MRPL1: variants seen among roughly 807,000 people sequenced by gnomAD.
MRPL1 encodes the protein large ribosomal subunit protein uL1m.
A neutral mutation model predicts 38.0 loss-of-function variants in MRPL1; 28 were observed. The ratio of observed to expected loss-of-function variants is 0.74; its 90% CI spans 0.55 to 1.01. The LOEUF (loss-of-function observed/expected upper bound fraction) is 1.01, where lower values mean the gene tolerates loss of function less well. MRPL1 is among the 50% of genes least tolerant of loss of function. MRPL1 has a pLI of 0.00. For synonymous variants in MRPL1, 123 were observed against 126.7 expected (o/e 0.97, Z 0.20); for missense variants, 358 against 389.8 (o/e 0.92, Z 0.69).
chr4:77,892,889 T>C (rs1366838816), intron 5 of MRPL1, among the ~76,000 whole-genome samples: 2 of 152,228 alleles, frequency 1.3e-5, no homozygotes, highest in Admixed American at 1.3e-4. Context: ...AGGTTTGTTA[T>C]GAAGACTGGA....
intron 3 of MRPL1, 61 bp downstream of exon 3, chr4:77,883,561 C>A (rs981913933): frequency 7.0e-7 from 1 of 1,420,532 alleles, no homozygotes; most frequent in Admixed American, 2.4e-5. Context: ...ATTGGTGTTT[C>A]TTTATTTTAT....
chr4:77,933,019 A>G lies in MRPL1; in HGVS notation c.778-16778A>G, dbSNP rs1175587204. On this transcript the variant is annotated intron_variant, in intron 7 of 8. Coordinates refer to ENST00000315567, the MANE Select transcript of MRPL1 (RefSeq NM_020236.4). The stretch of plus-strand genomic sequence containing the variant: ...AAGGTTGGAGTGCAGTGATGTAAGC[A>G]TAGCTCACTGTAACTTCAAACTTGG... Among the ~76,000 whole-genome samples, 6 of 152,248 alleles carry G rather than the reference A, an allele frequency of 3.9e-5. No homozygotes were observed. The East Asian group carries it at 7.7e-4, about 20-fold the overall frequency.
intron 7 of MRPL1, 113 bp from the exon 8 acceptor site, chr4:77,949,684 A>AGGGTC: frequency 3.2e-6 from 2 of 620,990 alleles, no homozygotes; most frequent in East Asian, 6.1e-5. Flanking sequence ...CTTTCACAGT[A>AGGGTC]GGGTCATTTA....
chr4:77,872,127 C>A (rs1174503009), intron 2 of MRPL1, among the ~76,000 whole-genome samples: 1 of 152,092 alleles, frequency 6.6e-6, no homozygotes, highest in African/African-American at 2.4e-5. Context: ...AAAATCGAGG[C>A]ACTGGTAGGT....
At chr4:77,877,209 G>A (rs892306130) in intron 2 of MRPL1, among the ~76,000 whole-genome samples, 1 of 152,116 alleles carries the variant, frequency 6.6e-6, no homozygotes, top group Admixed American at 6.6e-5. Context: ...CTGACAATGG[G>A]TTTTTTTCTT....
At chr4:77,947,708 CAT>C (rs1277056432) in intron 7 of MRPL1, among the ~76,000 whole-genome samples, 1 of 152,184 alleles carries the variant, frequency 6.6e-6, no homozygotes, top group Non-Finnish European at 1.5e-5. Context: ...AACTCATGCA[CAT>C]ATACATTTTG....
chr4:77,893,222 T>C (rs1160612193), intron 5 of MRPL1, among the ~76,000 whole-genome samples: 2 of 152,188 alleles, frequency 1.3e-5, no homozygotes, highest in Non-Finnish European at 2.9e-5. Context: ...CTTCAAGCAA[T>C]CCTCCCACCT....
chr4:77,906,539 A>G (rs2110246799), intron 6 of MRPL1, among the ~76,000 whole-genome samples: 1 of 152,288 alleles, frequency 6.6e-6, no homozygotes, highest in Middle Eastern at 3.4e-3. Context: ...AGGGAGGAGC[A>G]GCGTCCTTTT....
At chr4:77,866,944 C>T (rs1735161281) in intron 1 of MRPL1, among the ~76,000 whole-genome samples, 1 of 152,016 alleles carries the variant, frequency 6.6e-6, no homozygotes, top group Non-Finnish European at 1.5e-5. Context: ...GATGGGGTTT[C>T]AACATGTTGG....
intron 1 of MRPL1, among the ~76,000 whole-genome samples, chr4:77,863,801 GA>G (rs1735060375): frequency 6.6e-6 from 1 of 151,994 alleles, no homozygotes; most frequent in Non-Finnish European, 1.5e-5. Flanking sequence ...TTGTGTTTTT[GA>G]AGTCCAGTGA....
chr4:77,903,914 G>T (rs1217474865), intron 6 of MRPL1, among the ~76,000 whole-genome samples: 1 of 152,034 alleles, frequency 6.6e-6, no homozygotes, highest in Non-Finnish European at 1.5e-5. Flanking sequence ...ATATTCTCAT[G>T]TTTAAATGGA....
intron 6 of MRPL1, chr4:77,906,893 A>T: frequency 1.2e-6 from 1 of 852,584 alleles, no homozygotes. Flanking sequence ...TACTGAAAAA[A>T]CTTAGTATTT....
chr4:77,870,169 C>T (rs1735245748), intron 1 of MRPL1, among the ~76,000 whole-genome samples: 1 of 152,224 alleles, frequency 6.6e-6, no homozygotes, highest in South Asian at 2.1e-4. Flanking sequence ...GCTGGGATTA[C>T]AGACATGAGC....
chr4:77,899,784 A>G (rs758537207), intron 6 of MRPL1, among the ~76,000 whole-genome samples: 1 of 152,162 alleles, frequency 6.6e-6, no homozygotes. Flanking sequence ...AGGAAGAAAG[A>G]AAATGAAGAA....
chr4:77,907,896 T>C (rs974537096), intron 6 of MRPL1, among the ~76,000 whole-genome samples: 1 of 149,818 alleles, frequency 6.7e-6, no homozygotes, highest in East Asian at 2.0e-4. Context: ...TCTTTTCTTT[T>C]TTTTTTTTTT....
intron 7 of MRPL1, among the ~76,000 whole-genome samples, chr4:77,910,040 G>A (rs1028413324): frequency 6.6e-6 from 1 of 152,056 alleles, no homozygotes; most frequent in African/African-American, 2.4e-5. Context: ...TTGATAAATT[G>A]ATAGCAAAAT....
intron 7 of MRPL1, among the ~76,000 whole-genome samples, chr4:77,929,893 A>G (rs1736806608): frequency 6.6e-6 from 1 of 152,242 alleles, no homozygotes; most frequent in African/African-American, 2.4e-5. Context: ...TACATAATGT[A>G]TAAACCTGGG....
chr4:77,867,957 C>T (rs546340253), intron 1 of MRPL1, among the ~76,000 whole-genome samples: 17 of 151,764 alleles, frequency 1.1e-4, no homozygotes, highest in South Asian at 4.2e-4. Context: ...GGGGTTTCAC[C>T]GTGTTAGCCA....
At chr4:77,947,225 G>A (rs867041982) in intron 7 of MRPL1, among the ~76,000 whole-genome samples, 14 of 152,112 alleles carry the variant, frequency 9.2e-5, no homozygotes, top group African/African-American at 1.4e-4. Context: ...AATGGTTTCC[G>A]ACATAGTAAG....
Sources: allele counts gnomAD v4.1 joint callset (sites outside exome capture counted in the v4.1 genomes callset), GRCh38; gene constraint gnomAD v4.1.1; transcripts MANE v1.5; gene names NCBI Gene and HGNC (gene_info 2026-07-23, HGNC 2026-07-21).